Variants in COPG2 observed in about 807,000 individuals in gnomAD.
COPG2 encodes the protein coatomer subunit gamma-2.
Under a neutral mutation model 46.3 loss-of-function variants are expected in COPG2, and 37 were observed. The observed-to-expected ratio is 0.80, with a 90% CI of 0.61 to 1.05. The LOEUF is 1.05. Ranked by LOEUF, COPG2 falls within the 50% of genes least tolerant of loss-of-function variation. The pLI, the probability that COPG2 is intolerant of heterozygous loss-of-function variation, is 0.00. For synonymous variants in COPG2, 159 were observed against 129.7 expected, an observed-to-expected ratio of 1.23 and a Z score of -1.53; for missense variants, 427 against 387.8, an observed-to-expected ratio of 1.10 and a Z score of -0.85.
chr7:130,585,069 C>T (rs1314228283), intron 9 of COPG2, among the ~76,000 whole-genome samples: 1 of 151,990 alleles, frequency 6.6e-6, no homozygotes, highest in Non-Finnish European at 1.5e-5. Context: ...TCAAATTATA[C>T]TATAAGGCCA....
intron 6 of COPG2, among the ~76,000 whole-genome samples, chr7:130,614,904 C>A (rs1794920649): frequency 2.0e-5 from 3 of 152,128 alleles, no homozygotes; most frequent in Non-Finnish European, 2.9e-5. Context: ...TCTTACCATA[C>A]CCTAGGAAAA....
chr7:130,659,509 T>C (rs1391239148), intron 4 of COPG2, among the ~76,000 whole-genome samples: 9 of 152,122 alleles, frequency 5.9e-5, no homozygotes, highest in African/African-American at 1.7e-4. Context: ...AATGGGAGAA[T>C]GGATAAATAG....
intron 5 of COPG2, among the ~76,000 whole-genome samples, chr7:130,637,233 G>A (rs1795357779): frequency 6.6e-6 from 1 of 152,154 alleles, no homozygotes; most frequent in South Asian, 2.1e-4. Context: ...GTATCTTTGT[G>A]ATATTCTCTG....
intron 5 of COPG2, among the ~76,000 whole-genome samples, chr7:130,651,692 A>G (rs1260165272): frequency 6.7e-6 from 1 of 149,156 alleles, no homozygotes; most frequent in East Asian, 2.0e-4. Flanking sequence ...AATTTTTTGT[A>G]TTTTTAGTAG....
chr7:130,637,801 AT>A (rs1265749228), intron 5 of COPG2, among the ~76,000 whole-genome samples: 1 of 152,144 alleles, frequency 6.6e-6, no homozygotes, highest in Non-Finnish European at 1.5e-5. Flanking sequence ...GAGAAGAGGC[AT>A]TCTGGTTTTT....
chr7:130,657,240 C>T (rs1290711491), intron 4 of COPG2, among the ~76,000 whole-genome samples: 1 of 152,056 alleles, frequency 6.6e-6, no homozygotes, highest in Non-Finnish European at 1.5e-5. Context: ...CCCCTCCTCC[C>T]CTTTCTCCTT....
intron 9 of COPG2, among the ~76,000 whole-genome samples, chr7:130,601,383 A>G (rs1180634742): frequency 2.0e-5 from 3 of 152,224 alleles, no homozygotes; most frequent in African/African-American, 4.8e-5. Context: ...TTGTGGCACT[A>G]TTCACAATAG....
chr7:130,577,783 A>G (rs1430550356), intron 9 of COPG2, among the ~76,000 whole-genome samples: 1 of 150,850 alleles, frequency 6.6e-6, no homozygotes, highest in African/African-American at 2.4e-5. Flanking sequence ...AAAAAAAAAA[A>G]AAAAACAAAA....
intron 6 of COPG2, among the ~76,000 whole-genome samples, chr7:130,615,850 C>T (rs1389195078): frequency 5.3e-5 from 8 of 152,210 alleles, no homozygotes; most frequent in Non-Finnish European, 8.8e-5. Context: ...AGTGCTGAGC[C>T]ACCTGTGGGC....
At chr7:130,549,091 T>C (rs887699189) in intron 18 of COPG2, among the ~76,000 whole-genome samples, 10 of 149,236 alleles carry the variant, frequency 6.7e-5, no homozygotes, top group Non-Finnish European at 1.5e-4. Context: ...ATGAGTTCCC[T>C]GTTAACCAAC....
chr7:130,572,634 C>T (rs1323390393), intron 9 of COPG2, among the ~76,000 whole-genome samples: 1 of 151,750 alleles, frequency 6.6e-6, no homozygotes, highest in Non-Finnish European at 1.5e-5. Context: ...AAGAAGAAAT[C>T]AAATGGGAAA....
At chr7:130,546,056 T>C (rs1284370857) in intron 20 of COPG2, among the ~76,000 whole-genome samples, 4 of 152,146 alleles carry the variant, frequency 2.6e-5, no homozygotes, top group Non-Finnish European at 5.9e-5. Context: ...TGGCAAGGGA[T>C]TGATTCTTCA....
chr7:130,667,520 G>T lies in COPG2; in HGVS notation c.52C>A (p.Pro18Thr). Residue 18 changes from proline to threonine, a missense_variant, in exon 2 of 24, where the codon CCT (proline) becomes ACT (threonine). Coordinates refer to ENST00000425248, the MANE Select transcript of COPG2 (RefSeq NM_012133.6). Reference sequence around the variant, plus strand: ...GCACTCTTCTCCAGATGCTGGAAAGGATTGGAGCCACTACCTATTTATAAA... The same window carrying T: ...GCACTCTTCTCCAGATGCTGGAAAGTATTGGAGCCACTACCTATTTATAAA... Reference protein sequence around the residue: ...KDEESGSGSNPFQHLEKSAVL... With the variant: ...KDEESGSGSNTFQHLEKSAVL... 1 of 1,613,428 alleles carries T rather than the reference G, an allele frequency of 6.2e-7. No homozygotes were observed. Among genetic ancestry groups the T allele is most frequent in the Non-Finnish European group, 8.5e-7 (1 of 1,179,546 alleles).
intron 20 of COPG2, among the ~76,000 whole-genome samples, chr7:130,530,747 G>A (rs1410861153): frequency 6.6e-6 from 1 of 151,948 alleles, no homozygotes; most frequent in Non-Finnish European, 1.5e-5. Context: ...GTGCAACAGG[G>A]GAGTCACCTA....
chr7:130,586,139 A>T (rs1315646709), intron 9 of COPG2, among the ~76,000 whole-genome samples: 2 of 152,146 alleles, frequency 1.3e-5, no homozygotes, highest in African/African-American at 4.8e-5. Flanking sequence ...CTCAGCCATA[A>T]AAAAGGAATG....
At chr7:130,647,206 A>T (rs576787946) in intron 5 of COPG2, among the ~76,000 whole-genome samples, 2 of 151,658 alleles carry the variant, frequency 1.3e-5, no homozygotes, top group South Asian at 4.2e-4. Flanking sequence ...ACATCAAGCT[A>T]ATTTTTGTAT....
intron 12 of COPG2, among the ~76,000 whole-genome samples, chr7:130,559,776 G>A (rs1249226069): frequency 6.6e-6 from 1 of 152,126 alleles, no homozygotes; most frequent in African/African-American, 2.4e-5. Flanking sequence ...TACACCAGAT[G>A]CACAAAACTG....
chr7:130,597,484 T>C (rs782086766), intron 9 of COPG2, among the ~76,000 whole-genome samples: 6 of 152,202 alleles, frequency 3.9e-5, no homozygotes, highest in African/African-American at 4.8e-5. Context: ...AGCAGTGTAT[T>C]TGGGCACAGG....
At chr7:130,629,543 T>A (rs1323916027) in intron 5 of COPG2, among the ~76,000 whole-genome samples, 1 of 151,570 alleles carries the variant, frequency 6.6e-6, no homozygotes, top group Non-Finnish European at 1.5e-5. Context: ...TACAGGCACA[T>A]GCCACCATGC....
Sources: allele counts gnomAD v4.1 joint callset (sites outside exome capture counted in the v4.1 genomes callset), GRCh38; gene constraint gnomAD v4.1.1; transcripts MANE v1.5; gene names NCBI Gene and HGNC (gene_info 2026-07-23, HGNC 2026-07-21).